TMEFF2: variants seen among roughly 807,000 people sequenced by gnomAD.
TMEFF2 encodes transmembrane protein with EGF like and two follistatin like domains 2, also known as tomoregulin-2.
Under a neutral mutation model 53.8 loss-of-function variants are expected in TMEFF2, and 28 were observed. The observed-to-expected ratio is 0.52, with a 90% CI of 0.39 to 0.71. The LOEUF is 0.71. Ranked by LOEUF, TMEFF2 falls within the 30% of genes least tolerant of loss-of-function variation. The probability of loss-of-function intolerance (pLI) is 0.00; values close to 1 mark genes in which losing one functional copy is unlikely to be tolerated. For synonymous variants in TMEFF2, 162 were observed against 166.3 expected, an observed-to-expected ratio of 0.97 and a Z score of 0.20; for missense variants, 353 against 455.2, an observed-to-expected ratio of 0.78 and a Z score of 2.04.
In TMEFF2 at chr2:191,997,787, A is replaced by G. The variant is rs569895143; in HGVS notation, c.745+475T>C. Among the ~76,000 whole-genome samples the G allele has an allele frequency of 1.3e-3, 204 of 151,972 alleles. 1 individual carries two copies. In the Middle Eastern group the frequency reaches 0.014, roughly 10 times the overall value. On this transcript the variant is annotated intron_variant, in intron 7 of 9. Transcript: ENST00000272771. ...GTTAAAGAAATTTACTATTAAAAAA[A>G]CCTATACATACATTTTTAACTTTGC...
At chr2:192,082,937 A>G (rs1688586586) in intron 4 of TMEFF2, among the ~76,000 whole-genome samples, 1 of 148,958 alleles carries the variant, frequency 6.7e-6, no homozygotes, top group Admixed American at 6.9e-5. Flanking sequence ...ATGTGTCGAC[A>G]TCAACAAGAT....
chr2:192,073,840 A>G (rs1334402357), intron 4 of TMEFF2, among the ~76,000 whole-genome samples: 1 of 152,038 alleles, frequency 6.6e-6, no homozygotes, highest in Non-Finnish European at 1.5e-5. Context: ...ATATTATACA[A>G]TTTTAAGATC....
chr2:192,028,810 C>T (rs1687041720), intron 5 of TMEFF2: 1 of 152,018 alleles, frequency 6.6e-6, no homozygotes. Flanking sequence ...ATTAGATGCT[C>T]TTATATTTGC....
intron 4 of TMEFF2, among the ~76,000 whole-genome samples, chr2:192,153,954 A>G (rs1340155117): frequency 1.3e-5 from 2 of 151,846 alleles, no homozygotes; most frequent in African/African-American, 4.8e-5. Flanking sequence ...AAATTCTTAC[A>G]TGGTTGGGGG....
At chr2:191,995,453 T>C (rs1686201651) in intron 7 of TMEFF2, among the ~76,000 whole-genome samples, 1 of 151,952 alleles carries the variant, frequency 6.6e-6, no homozygotes, top group South Asian at 2.1e-4. Flanking sequence ...GGCTGTGACA[T>C]TAAATGAGCT....
intron 7 of TMEFF2, among the ~76,000 whole-genome samples, chr2:191,983,039 A>G (rs985536040): frequency 6.6e-6 from 1 of 152,112 alleles, no homozygotes; most frequent in Non-Finnish European, 1.5e-5. Flanking sequence ...ATTGGTGGGA[A>G]CTCTGGCCTC....
chr2:192,130,122 T>G (rs1689779491), intron 4 of TMEFF2, among the ~76,000 whole-genome samples: 1 of 152,344 alleles, frequency 6.6e-6, no homozygotes, highest in Non-Finnish European at 1.5e-5. Flanking sequence ...ATTAACAATC[T>G]TAATTTGTCT....
rs537827891 is a variant in TMEFF2 at position 192,086,825 on chromosome 2, G to A, written c.440-29050C>T. ...AATATTTTTATTTTGTTAGCATATA[G>A]TGTTGCAATTTAAACATGGTAGGAA... On this transcript the variant is annotated intron_variant, in intron 4 of 9. Coordinates refer to ENST00000272771, the MANE Select transcript of TMEFF2 (RefSeq NM_016192.4). Among the ~76,000 whole-genome samples, 23 of 152,086 alleles carry A rather than the reference G, an allele frequency of 1.5e-4. 1 individual carries two copies. In the East Asian group the frequency reaches 4.4e-3, roughly 29 times the overall value.
At chr2:192,083,508 C>G (rs2105927712) in intron 4 of TMEFF2, among the ~76,000 whole-genome samples, 1 of 152,174 alleles carries the variant, frequency 6.6e-6, no homozygotes, top group East Asian at 1.9e-4. Context: ...TTCTGGCATT[C>G]TGCAATTATA....
intron 5 of TMEFF2, among the ~76,000 whole-genome samples, chr2:192,048,360 A>AC (rs3053694): frequency 0.082 from 8,870 of 108,688 alleles, 368 homozygotes; most frequent in Admixed American, 0.15. Flanking sequence ...GATTCTCATA[A>AC]AACACACACA....
intron 4 of TMEFF2, among the ~76,000 whole-genome samples, chr2:192,065,677 A>G (rs1324973026): frequency 1.3e-5 from 2 of 151,704 alleles, no homozygotes; most frequent in African/African-American, 4.8e-5. Context: ...ATAAATGATG[A>G]GTGATAGCAT....
chr2:192,015,100 T>A (rs1559085139), intron 5 of TMEFF2, among the ~76,000 whole-genome samples: 1 of 152,164 alleles, frequency 6.6e-6, no homozygotes, highest in Non-Finnish European at 1.5e-5. Flanking sequence ...CTGATACACA[T>A]GTTCTGCCTG....
chr2:191,999,350 AC>A (rs1441783962), intron 5 of TMEFF2, 142 bp from the exon 6 acceptor site: 1 of 539,082 alleles, frequency 1.9e-6, no homozygotes, highest in African/African-American at 1.9e-5. Flanking sequence ...AAGTTCCTTC[AC>A]TTTTCTAACT....
intron 4 of TMEFF2, among the ~76,000 whole-genome samples, chr2:192,140,826 C>A (rs1690119406): frequency 6.6e-6 from 1 of 152,160 alleles, no homozygotes; most frequent in Non-Finnish European, 1.5e-5. Flanking sequence ...CATGAGCTTG[C>A]ACGTATTTTA....
At chr2:191,960,735 G>A (rs532112906) in intron 7 of TMEFF2, among the ~76,000 whole-genome samples, 10 of 152,142 alleles carry the variant, frequency 6.6e-5, no homozygotes, top group Admixed American at 1.3e-4. Context: ...TAAACTAGAG[G>A]AAACATCAGG....
intron 7 of TMEFF2, among the ~76,000 whole-genome samples, chr2:191,988,262 C>A (rs574815698): frequency 6.6e-6 from 1 of 152,254 alleles, no homozygotes; most frequent in African/African-American, 2.4e-5. Flanking sequence ...GGTTGTTTCT[C>A]ATGCTTCTAT....
intron 4 of TMEFF2, among the ~76,000 whole-genome samples, chr2:192,135,493 C>T (rs780280637): frequency 1.8e-4 from 28 of 152,112 alleles, no homozygotes; most frequent in Non-Finnish European, 3.4e-4. Context: ...AATACCACCC[C>T]TTTCCACAAA....
intron 7 of TMEFF2, among the ~76,000 whole-genome samples, chr2:191,965,903 C>T (rs1454092689): frequency 6.6e-6 from 1 of 151,960 alleles, no homozygotes; most frequent in African/African-American, 2.4e-5. Flanking sequence ...GCACCATCCA[C>T]ACCAAATCTT....
rs373613597 is a variant in TMEFF2, at chr2:192,033,343, A to G, written c.536+24336T>C. 7.8e-4 allele frequency among the ~76,000 whole-genome samples: 119 copies of G among 152,326 alleles called. 5 individuals carry two copies. In the South Asian group the frequency reaches 0.023, roughly 30 times the overall value. The stretch of plus-strand genomic sequence containing the variant: ...TTACGTATATTCCTAATAACTTCAT[A>G]TAATAGATGTTCAAATTCTCTTTAT... On this transcript the variant is annotated intron_variant, in intron 5 of 9. Coordinates refer to ENST00000272771, the MANE Select transcript of TMEFF2 (RefSeq NM_016192.4).
Sources: gnomAD v4.1 joint callset for allele counts (sites outside exome capture counted in the v4.1 genomes callset) on GRCh38, gnomAD v4.1.1 for gene constraint, MANE v1.5 for transcripts, NCBI Gene and HGNC (gene_info 2026-07-23, HGNC 2026-07-21) for gene names.